Variants in HPSE observed in about 807,000 individuals in gnomAD.
HPSE encodes endo-glucoronidase.
Under a neutral mutation model 65.1 loss-of-function variants are expected in HPSE, and 48 were observed. The ratio of observed to expected loss-of-function variants is 0.74; its 90% confidence interval spans 0.58 to 0.94. The LOEUF (loss-of-function observed/expected upper bound fraction) is 0.94, where lower values mean the gene tolerates loss of function less well. HPSE is among the 40% of genes least tolerant of loss of function. The pLI, the probability that HPSE is intolerant of heterozygous loss-of-function variation, is 0.00. For synonymous variants in HPSE, 243 were observed against 260.0 expected (o/e 0.93, Z 0.63); for missense variants, 644 against 637.5 (o/e 1.01, Z -0.11).
intron 1 of HPSE, among the ~76,000 whole-genome samples, chr4:83,329,417 T>A (rs547998711): frequency 1.3e-5 from 2 of 152,278 alleles, no homozygotes; most frequent in Admixed American, 6.5e-5. Context: ...GGGGTTATTA[T>A]TACAAGAGTG....
intron 4 of HPSE, among the ~76,000 whole-genome samples, chr4:83,312,521 C>CA (rs1475380906): frequency 4.1e-5 from 6 of 147,528 alleles, no homozygotes; most frequent in African/African-American, 1.0e-4. Flanking sequence ...ACTAAAAATA[C>CA]AAAAAAATTA....
At chr4:83,328,215 G>A (rs79493660) in intron 1 of HPSE, among the ~76,000 whole-genome samples, 1,679 of 152,308 alleles carry the variant, frequency 0.011, 37 homozygotes, top group African/African-American at 0.038. Context: ...AAGCCGAAAC[G>A]TTGAATTCAA....
At position 83,308,943 on chromosome 4, in the gene HPSE, C is replaced by CTCAA. The variant is rs767349342; in HGVS notation, c.989_992dup (p.Glu331AspfsTer2). On this transcript the variant is annotated stop_gained and frameshift_variant, in exon 8 of 12. Coordinates refer to ENST00000311412, the MANE Select transcript of HPSE (RefSeq NM_001098540.3). LOFTEE classifies it high-confidence loss of function. Reference sequence around the variant, plus strand: ...AGACCTTCTTGCCAGGCCTGGTGCTCTCAACCACCTATAGAACAGAAAAGT... The same window carrying CTCAA: ...AGACCTTCTTGCCAGGCCTGGTGCTCTCAATCAACCACCTATAGAACAGAAAAGT... 4 of 1,613,774 alleles carry CTCAA rather than the reference C, an allele frequency of 2.5e-6. No individual in the cohort carries two copies. Among genetic ancestry groups the CTCAA allele is most frequent in the Non-Finnish European group, 3.4e-6 (4 of 1,179,756 alleles).
chr4:83,296,367 T>C (rs1301377602), intron 11 of HPSE, among the ~76,000 whole-genome samples: 1 of 152,178 alleles, frequency 6.6e-6, no homozygotes, highest in Non-Finnish European at 1.5e-5. Context: ...TAGCACTCTT[T>C]AAATATTGAA....
At position 83,313,232 on chromosome 4, in the gene HPSE, G is replaced by A. The variant is rs1278971396; in HGVS notation, c.555C>T (p.Ile185=). ...TFANCSGLDL[I]FGLNALLRTA... ...TTCTTAATAACGCATTTAGGCCAAA[G>A]ATCAAGTCCAGTCCTGAGCAGTTTG... Residue 185 remains isoleucine (I), a synonymous_variant, in exon 4 of 12, where the codon ATC becomes ATT. Coordinates refer to ENST00000311412, the MANE Select transcript of HPSE (RefSeq NM_001098540.3). The A allele has an allele frequency of 6.2e-7, 1 of 1,613,940 alleles. No homozygotes were observed. The highest frequency in any genetic ancestry group is 2.2e-5 in the East Asian group (1 of 44,880).
chr4:83,328,339 G>C (rs1462153710), intron 1 of HPSE, among the ~76,000 whole-genome samples: 1 of 152,060 alleles, frequency 6.6e-6, no homozygotes, highest in Non-Finnish European at 1.5e-5. Flanking sequence ...GTCATCACAT[G>C]GTATTCTCCC....
rs774345249 is a variant in HPSE at position 83,319,376 on chromosome 4, T to C, written c.467A>G (p.Tyr156Cys). 4.6e-5 allele frequency: 74 copies of C among 1,613,922 alleles called. No homozygotes were observed. The highest frequency in any genetic ancestry group is 6.7e-5 in the East Asian group (3 of 44,878). Residue 156 changes from tyrosine to cysteine, a missense_variant, in exon 3 of 12, where the codon TAC becomes TGC. By Grantham distance (194) the Tyr-to-Cys change is radical. Transcript: ENST00000311412. ...GGTGCTGTTCTTGAACTTTTTCTGGTAGTGTTCTCGGAGTAGCAATTGCTC... is the reference window on the plus strand; with the variant it reads ...GGTGCTGTTCTTGAACTTTTTCTGGCAGTGTTCTCGGAGTAGCAATTGCTC... ...YQEQLLLREH[Y>C]QKKFKNSTYS...
intron 3 of HPSE, among the ~76,000 whole-genome samples, chr4:83,314,698 A>C (rs1736559162): frequency 6.6e-6 from 1 of 152,162 alleles, no homozygotes. Flanking sequence ...GTATATCTAT[A>C]GTCGTTTGTT....
chr4:83,305,567 T>C (rs1736119136), intron 9 of HPSE, among the ~76,000 whole-genome samples: 1 of 152,208 alleles, frequency 6.6e-6, no homozygotes, highest in South Asian at 2.1e-4. Flanking sequence ...TTTTAGACTA[T>C]AAAAATCAAG....
In HPSE at chr4:83,308,965, A is replaced by G. The variant is rs543598431; in HGVS notation, c.985-14T>C. On this transcript the variant is annotated splice_polypyrimidine_tract_variant and intron_variant, in intron 7 of 11. Transcript: ENST00000311412. ...GCTCTCAACCACCTATAGAACAGAAAAGTATCCATGGTAATTGCAAAAAAG... is the reference window on the plus strand; with the variant it reads ...GCTCTCAACCACCTATAGAACAGAAGAGTATCCATGGTAATTGCAAAAAAG... 6.2e-7 allele frequency: 1 copy of G among 1,607,820 alleles called. No homozygotes were observed. The highest frequency in any genetic ancestry group is 1.1e-5 in the South Asian group (1 of 90,894).
chr4:83,328,174 C>A (rs910798485), intron 1 of HPSE, among the ~76,000 whole-genome samples: 2 of 152,174 alleles, frequency 1.3e-5, no homozygotes, highest in Admixed American at 6.5e-5. Flanking sequence ...TTGGTTTGAA[C>A]AACAGAAATG....
intron 2 of HPSE, among the ~76,000 whole-genome samples, chr4:83,321,371 GATATA>G (rs1396286732): frequency 6.6e-6 from 1 of 152,038 alleles, no homozygotes; most frequent in East Asian, 1.9e-4. Flanking sequence ...AGAAGGAAAA[GATATA>G]ATATATGAAA....
At chr4:83,300,896 C>T (rs1735919119) in intron 11 of HPSE, 64 bp downstream of exon 11, 3 of 1,080,128 alleles carry the variant, frequency 2.8e-6, no homozygotes, top group African/African-American at 3.4e-5. Context: ...TGTCCAAACT[C>T]TCTATTCTGA....
At chr4:83,310,136 C>T (rs145834129) in intron 5 of HPSE, 58 bp from the exon 6 acceptor site, 74 of 1,148,910 alleles carry the variant, frequency 6.4e-5, no homozygotes, top group African/African-American at 4.3e-4. Context: ...GCACAATATA[C>T]GCATGAGAGT....
At chr4:83,315,596 A>T (rs1158649730) in intron 3 of HPSE, among the ~76,000 whole-genome samples, 4 of 152,212 alleles carry the variant, frequency 2.6e-5, no homozygotes, top group Admixed American at 6.5e-5. Context: ...GCCCTGGATC[A>T]GAAATCATAA....
At position 83,293,969 on chromosome 4, in the gene HPSE, T is replaced by C. The variant is rs1336634958; in HGVS notation, c.*1375A>G. 2.0e-5 allele frequency: 3 copies of C among 152,214 alleles called. No individual in the cohort carries two copies. The allele number at this position is 152,214 out of a possible 1,614,324, so 9.4% of individuals were successfully genotyped here. ...AAGAATTCTAAAATCTTCTAATACA[T>C]TTTGAAAGATAAATATACAGCTAAG... On this transcript the variant is annotated 3_prime_UTR_variant, in exon 12 of 12. Coordinates refer to ENST00000311412, the MANE Select transcript of HPSE (RefSeq NM_001098540.3).
At chr4:83,315,995 C>T (rs1014022942) in intron 3 of HPSE, among the ~76,000 whole-genome samples, 21 of 152,156 alleles carry the variant, frequency 1.4e-4, no homozygotes, top group African/African-American at 3.6e-4. Flanking sequence ...AGGCTATTGA[C>T]GACTGAGTTC....
rs1735677225 is a variant in HPSE at position 83,295,221 on chromosome 4, C to T, written c.*123G>A. On this transcript the variant is annotated 3_prime_UTR_variant, in exon 12 of 12. Transcript: ENST00000311412. Reference sequence around the variant, plus strand: ...GTGCTAAATCTAGCACTGACAGTGTCCCAGTGTCTCTCAAGCACCCACTAG... The same window carrying T: ...GTGCTAAATCTAGCACTGACAGTGTTCCAGTGTCTCTCAAGCACCCACTAG... 1 of 704,220 alleles carries T rather than the reference C, an allele frequency of 1.4e-6. No homozygotes were observed. Among genetic ancestry groups the T allele is most frequent in the South Asian group, 2.0e-5 (1 of 48,884 alleles). The allele number at this position is 704,220 out of a possible 1,614,324, so 43.6% of individuals were successfully genotyped here. A position where few individuals can be genotyped will look rare whatever the true frequency, so the allele number is the denominator to read the frequency against.
chr4:83,298,906 C>A (rs138827452), intron 11 of HPSE, among the ~76,000 whole-genome samples: 1 of 151,910 alleles, frequency 6.6e-6, no homozygotes, highest in African/African-American at 2.4e-5. Context: ...TATGAGTAAG[C>A]GTACAGACTG....
Sources: gnomAD v4.1 joint callset for allele counts (sites outside exome capture counted in the v4.1 genomes callset) on GRCh38, gnomAD v4.1.1 for gene constraint, MANE v1.5 for transcripts, NCBI Gene and HGNC (gene_info 2026-07-23, HGNC 2026-07-21) for gene names.